The following LHX4 variants were observed in gnomAD, a reference collection of about 807,000 sequenced individuals.
LHX4 encodes LIM homeobox 4.
Under a neutral mutation model 39.2 loss-of-function variants are expected in LHX4, and 16 were observed. The ratio of observed to expected loss-of-function variants is 0.41; its 90% CI spans 0.28 to 0.62. The LOEUF (loss-of-function observed/expected upper bound fraction) is 0.62. Ranked by LOEUF, LHX4 falls within the 20% of genes least tolerant of loss-of-function variation. The probability of loss-of-function intolerance (pLI) is 0.33; values close to 1 mark genes in which losing one functional copy is unlikely to be tolerated. For missense variants in LHX4, 439 were observed against 511.9 expected (o/e 0.86, Z 1.37); for synonymous variants, 206 against 198.1 (o/e 1.04, Z -0.33).
At chr1:180,262,684 A>AG (rs1281295330) in intron 2 of LHX4, among the ~76,000 whole-genome samples, 1 of 149,722 alleles carries the variant, frequency 6.7e-6, no homozygotes, top group African/African-American at 2.5e-5. Context: ...CAAACTTGAA[A>AG]AAAAAAAAAA....
intron 3 of LHX4, among the ~76,000 whole-genome samples, chr1:180,267,154 G>A (rs1372569677): frequency 1.3e-5 from 2 of 152,196 alleles, no homozygotes; most frequent in Admixed American, 1.3e-4. Context: ...CAAGTGCCCA[G>A]TGAGTGCTAA....
intron 2 of LHX4, among the ~76,000 whole-genome samples, chr1:180,255,452 C>T (rs1445706073): frequency 6.6e-6 from 1 of 152,250 alleles, no homozygotes; most frequent in Non-Finnish European, 1.5e-5. Flanking sequence ...AAGGAATGCA[C>T]AGGGGTGTGT....
At chr1:180,256,333 C>G (rs1391177607) in intron 2 of LHX4, among the ~76,000 whole-genome samples, 1 of 152,204 alleles carries the variant, frequency 6.6e-6, no homozygotes, top group Non-Finnish European at 1.5e-5. Context: ...CAAGGTCACA[C>G]CAGGGTCCCA....
rs922792597 is a variant in LHX4, at chr1:180,234,075, C to G, written c.76+3470C>G. The stretch of plus-strand genomic sequence containing the variant: ...GGTGAGATGGATTCACTGTCCAAGA[C>G]AGGAGTTCACTCAAACGCTGGTGCT... On this transcript the variant is annotated intron_variant, in intron 1 of 5. Coordinates refer to ENST00000263726, the MANE Select transcript of LHX4 (RefSeq NM_033343.4). This position sits in a 1 kb window ranked among gnomAD's most constrained non-coding sequence, Gnocchi z 4.8. Among the ~76,000 whole-genome samples the G allele has an allele frequency of 4.0e-5, 6 of 149,064 alleles. No individual in the cohort carries two copies. The highest frequency in any genetic ancestry group is 1.5e-4 in the African/African-American group (6 of 40,436).
At chr1:180,264,936 A>T in intron 2 of LHX4, among the ~76,000 whole-genome samples, 1 of 152,126 alleles carries the variant, frequency 6.6e-6, no homozygotes, top group East Asian at 1.9e-4. Context: ...ACCCATGCAG[A>T]CTTAGAGAAC....
chr1:180,248,714 T>A, intron 2 of LHX4: 1 of 532,790 alleles, frequency 1.9e-6, no homozygotes, highest in Admixed American at 3.1e-5. Context: ...GGCCTTGGGC[T>A]AGATTTCTCC....
intron 1 of LHX4, among the ~76,000 whole-genome samples, chr1:180,246,200 A>G (rs918724510): frequency 6.6e-6 from 1 of 152,100 alleles, no homozygotes; most frequent in Non-Finnish European, 1.5e-5. Context: ...ATTGGGCCCA[A>G]AGTTGGTACT....
At chr1:180,233,713 C>A (rs929632220) in intron 1 of LHX4, among the ~76,000 whole-genome samples, 1 of 152,076 alleles carries the variant, frequency 6.6e-6, no homozygotes, top group African/African-American at 2.4e-5. Context: ...GGAAGCCCGC[C>A]GCCCGGATCG....
intron 5 of LHX4, among the ~76,000 whole-genome samples, chr1:180,272,408 C>T (rs543786679): frequency 6.6e-6 from 1 of 152,322 alleles, no homozygotes; most frequent in South Asian, 2.1e-4. Context: ...CCTAGAGCCA[C>T]CCCTTCCTCC....
chr1:180,270,150 C>G (rs1383714870), intron 3 of LHX4: 2 of 152,238 alleles, frequency 1.3e-5, no homozygotes, highest in Non-Finnish European at 2.9e-5. Flanking sequence ...AACACTGAAG[C>G]CAGGTCTGCT....
At chr1:180,254,936 A>G (rs1460272144) in intron 2 of LHX4, among the ~76,000 whole-genome samples, 1 of 152,200 alleles carries the variant, frequency 6.6e-6, no homozygotes, top group Non-Finnish European at 1.5e-5. Context: ...CCAGGCTGGC[A>G]AGGACGGGGT....
intron 3 of LHX4, chr1:180,271,024 C>T (rs909655238): frequency 2.8e-6 from 1 of 356,448 alleles, no homozygotes; most frequent in African/African-American, 2.1e-5. Context: ...ACAGCTCTGG[C>T]AAGAACTCAT....
chr1:180,236,944 C>T (rs1008902601), intron 1 of LHX4, among the ~76,000 whole-genome samples: 3 of 152,144 alleles, frequency 2.0e-5, no homozygotes, highest in African/African-American at 7.2e-5. Context: ...GCCGTTGAGG[C>T]GATTTTACTT....
chr1:180,229,367 G>A (rs1280664569), upstream of LHX4, among the ~76,000 whole-genome samples: 12 of 152,132 alleles, frequency 7.9e-5, no homozygotes, highest in Admixed American at 6.5e-4. Context: ...CCCCTACCCT[G>A]CGGAACTGGA....
chr1:180,231,596 C>T (rs1489104716), intron 1 of LHX4, among the ~76,000 whole-genome samples: 6 of 144,808 alleles, frequency 4.1e-5, no homozygotes, highest in Non-Finnish European at 9.1e-5. Context: ...CCGGGAGAGT[C>T]CTGCCCCTGT....
intron 1 of LHX4, among the ~76,000 whole-genome samples, chr1:180,243,923 G>T (rs956986019): frequency 1.3e-5 from 2 of 152,198 alleles, no homozygotes; most frequent in Non-Finnish European, 2.9e-5. Context: ...TAAGGGGATG[G>T]TTCAGGCCCC....
chr1:180,245,524 C>T lies in LHX4; in HGVS notation c.77-2761C>T, dbSNP rs570242113. ...GTGTGAGGCGGCCACTCGGCCTCCA[C>T]GGGAGAGTCATGACATCTCTGCAGG... On this transcript the variant is annotated intron_variant, in intron 1 of 5. Coordinates refer to ENST00000263726, the MANE Select transcript of LHX4 (RefSeq NM_033343.4). 3.9e-5 allele frequency among the ~76,000 whole-genome samples: 6 copies of T among 152,338 alleles called. No homozygotes were observed. In the East Asian group the frequency reaches 5.8e-4, roughly 15 times the overall value.
At chr1:180,254,712 C>T (rs1014706260) in intron 2 of LHX4, among the ~76,000 whole-genome samples, 1 of 152,220 alleles carries the variant, frequency 6.6e-6, no homozygotes, top group Admixed American at 6.5e-5. Context: ...GTTTTGAGTC[C>T]AGGCTCAGCG....
At chr1:180,231,139 C>T (rs978702244) in intron 1 of LHX4, among the ~76,000 whole-genome samples, 1 of 151,920 alleles carries the variant, frequency 6.6e-6, no homozygotes, top group South Asian at 2.1e-4. Flanking sequence ...CCAGCCGCTA[C>T]TGCCCGCGGC....
Sources: gnomAD v4.1 joint callset for allele counts (sites outside exome capture counted in the v4.1 genomes callset) on GRCh38, gnomAD v4.1.1 for gene constraint, Gnocchi (gnomAD v3.1) non-coding constraint, MANE v1.5 for transcripts, NCBI Gene and HGNC (gene_info 2026-07-23, HGNC 2026-07-21) for gene names.